Variants in COPA observed in about 807,000 individuals in gnomAD.
COPA encodes the protein coat protein complex I subunit alpha.
In COPA, 10 loss-of-function variants were observed where a neutral mutation model predicts 158.7. The ratio of observed to expected loss-of-function variants is 0.06; its 90% CI spans 0.04 to 0.11. The LOEUF is 0.11. COPA is among the 10% of genes least tolerant of loss of function. The pLI is 1.00. For synonymous variants in COPA, 462 were observed against 542.8 expected (o/e 0.85, Z 2.07); for missense variants, 1,065 against 1,536.7 (o/e 0.69, Z 5.13).
At chr1:160,314,534 G>A (rs957812543) in intron 8 of COPA, among the ~76,000 whole-genome samples, 3 of 152,184 alleles carry the variant, frequency 2.0e-5, no homozygotes, top group South Asian at 2.1e-4. Context: ...AGGAGGCTGA[G>A]GGGGAGGATC....
intron 23 of COPA, among the ~76,000 whole-genome samples, chr1:160,295,159 G>A (rs753363213): frequency 6.6e-6 from 1 of 152,110 alleles, no homozygotes; most frequent in Admixed American, 6.5e-5. Context: ...CTTCCTGAGC[G>A]CTTTGCTAAG....
At chr1:160,331,459 C>A (rs1214784669) in intron 6 of COPA, among the ~76,000 whole-genome samples, 1 of 151,838 alleles carries the variant, frequency 6.6e-6, no homozygotes, top group Non-Finnish European at 1.5e-5. Flanking sequence ...TCGAGACCAG[C>A]CTGGCTAACA....
At chr1:160,322,445 A>T (rs1200599903) in intron 8 of COPA, among the ~76,000 whole-genome samples, 1 of 152,252 alleles carries the variant, frequency 6.6e-6, no homozygotes, top group Non-Finnish European at 1.5e-5. Flanking sequence ...AAAGGATTAA[A>T]GACTTAAATC....
rs1659472805 is a variant in COPA, at chr1:160,325,781, A to G, written c.497-129T>C. 4.4e-6 allele frequency: 3 copies of G among 688,484 alleles called. No homozygotes were observed. The South Asian group carries it at 5.7e-5, about 13-fold the overall frequency. 42.6% of individuals were successfully genotyped at this position (688,484 alleles called of 1,614,324 possible). A position where few individuals can be genotyped will look rare whatever the true frequency, so the allele number is the denominator to read the frequency against. ...AAATGGAAAAGACTGAAGAAAGAAA[A>G]GAGACTCAAGAATTCCTATTTCTAA... On this transcript the variant is annotated intron_variant, in intron 6 of 32. Transcript: ENST00000241704.
chr1:160,301,324 C>T (rs972483596), intron 17 of COPA, among the ~76,000 whole-genome samples: 1 of 151,974 alleles, frequency 6.6e-6, no homozygotes, highest in African/African-American at 2.4e-5. Flanking sequence ...TTCATTGGAG[C>T]AGTATGGATT....
chr1:160,305,250 G>A, intron 17 of COPA, 183 bp downstream of exon 17: 1 of 551,266 alleles, frequency 1.8e-6, no homozygotes, highest in Non-Finnish European at 3.2e-6. Flanking sequence ...GTCTATATTT[G>A]TTTTAGATTT....
At chr1:160,313,968 A>G (rs760491183) in intron 9 of COPA, 22 bp downstream of exon 9, 1 of 1,571,668 alleles carries the variant, frequency 6.4e-7, no homozygotes, top group Non-Finnish European at 8.6e-7. Context: ...GAAAGTTCAC[A>G]CAACACTGAG....
rs12032411 is a variant in COPA, at chr1:160,333,756, A to G, written c.310-77T>C. ...CAGGTTCTTGTAATCATTTTTCTCTAAAGAACTGCATTGCTTAACGGCTCA... is the reference window on the plus strand; with the variant it reads ...CAGGTTCTTGTAATCATTTTTCTCTGAAGAACTGCATTGCTTAACGGCTCA... On this transcript the variant is annotated intron_variant, in intron 4 of 32. Transcript: ENST00000241704. 9,564 of 1,175,474 alleles carry G rather than the reference A, an allele frequency of 8.1e-3. 832 individuals carry two copies. In the Admixed American group the frequency reaches 0.15, roughly 18 times the overall value. The allele number at this position is 1,175,474 out of a possible 1,614,324, so 72.8% of individuals were successfully genotyped here. A position where few individuals can be genotyped will look rare whatever the true frequency, so the allele number is the denominator to read the frequency against.
At chr1:160,335,127 A>G in intron 4 of COPA, 115 bp downstream of exon 4, 1 of 842,122 alleles carries the variant, frequency 1.2e-6, no homozygotes, top group South Asian at 1.9e-5. Flanking sequence ...CAGATTGTAG[A>G]AGAGCCACTC....
At chr1:160,326,937 C>G (rs1571177256) in intron 6 of COPA, among the ~76,000 whole-genome samples, 1 of 152,170 alleles carries the variant, frequency 6.6e-6, no homozygotes, top group African/African-American at 2.4e-5. Flanking sequence ...GTAAATCTAT[C>G]TTTAAAAGCT....
At chr1:160,313,760 G>C (rs965185126) in intron 9 of COPA, among the ~76,000 whole-genome samples, 1 of 152,142 alleles carries the variant, frequency 6.6e-6, no homozygotes, top group Admixed American at 6.5e-5. Context: ...GGGAAAGGGG[G>C]AAGAAGAAAA....
intron 1 of COPA, among the ~76,000 whole-genome samples, chr1:160,342,802 C>CCAA (rs1648148471): frequency 6.6e-6 from 1 of 152,070 alleles, no homozygotes; most frequent in South Asian, 2.1e-4. Context: ...CATCAAAAAG[C>CCAA]CAACAGATCA....
At position 160,299,284 on chromosome 1, in the gene COPA, C is replaced by T. The variant is rs2101829613; in HGVS notation, c.1668-20G>A. On this transcript the variant is annotated intron_variant, in intron 17 of 32. Transcript: ENST00000241704. Reference sequence around the variant, plus strand: ...TGGTCCCTAAGAACAGAGGGCACAGCTTTCAGTAAGTGAGAGGGAAAATCC... The same window carrying T: ...TGGTCCCTAAGAACAGAGGGCACAGTTTTCAGTAAGTGAGAGGGAAAATCC... 5 of 1,591,760 alleles carry T rather than the reference C, an allele frequency of 3.1e-6. No homozygotes were observed. Among genetic ancestry groups the T allele is most frequent in the Non-Finnish European group, 4.3e-6 (5 of 1,163,856 alleles).
At chr1:160,321,521 C>T (rs1659329772) in intron 8 of COPA, among the ~76,000 whole-genome samples, 1 of 152,178 alleles carries the variant, frequency 6.6e-6, no homozygotes, top group African/African-American at 2.4e-5. Flanking sequence ...GGTGCAGTGG[C>T]TCATGCCTAT....
At chr1:160,340,661 T>C (rs1318328220) in intron 1 of COPA, among the ~76,000 whole-genome samples, 1 of 152,180 alleles carries the variant, frequency 6.6e-6, no homozygotes, top group East Asian at 1.9e-4. Flanking sequence ...AGCCCTGTAA[T>C]ATTAGGAAGT....
rs78140639 is a variant in COPA, at chr1:160,319,259, A to G, written c.706+4172T>C. Among the ~76,000 whole-genome samples the G allele has an allele frequency of 1.7e-3, 260 of 152,122 alleles. 3 individuals carry two copies. The East Asian group carries it at 0.024, about 14-fold the overall frequency. ...ATACTTACATGAGATAAAACAGACT[A>G]CCAAACCTAAGATTGTAAAAAGAGA... On this transcript the variant is annotated intron_variant, in intron 8 of 32. Transcript: ENST00000241704.
At position 160,325,665 on chromosome 1, in the gene COPA, A is replaced by G. The variant is rs1362219422; in HGVS notation, c.497-13T>C. The G allele has an allele frequency of 6.3e-7, 1 of 1,582,306 alleles. No homozygotes were observed. The highest frequency in any genetic ancestry group is 1.7e-5 in the Admixed American group (1 of 59,992). On this transcript the variant is annotated splice_polypyrimidine_tract_variant and intron_variant, in intron 6 of 32. Transcript: ENST00000241704. ...TTTTTCCTCAGACCTTTGAAGGGAT[A>G]AGGAGTGGGATGAAAGATGTAAACA...
intron 13 of COPA, 29 bp from the exon 14 acceptor site, chr1:160,307,274 G>A (rs368034005): frequency 6.2e-7 from 1 of 1,607,320 alleles, no homozygotes; most frequent in Non-Finnish European, 8.5e-7. Flanking sequence ...AAGGGTGGGA[G>A]CATGTGGTGA....
chr1:160,303,585 T>C (rs1264444016), intron 17 of COPA, among the ~76,000 whole-genome samples: 1 of 152,184 alleles, frequency 6.6e-6, no homozygotes, highest in Non-Finnish European at 1.5e-5. Context: ...ACAATGTTTT[T>C]ACAGAAGAAT....
Sources: allele counts gnomAD v4.1 joint callset (sites outside exome capture counted in the v4.1 genomes callset), GRCh38; gene constraint gnomAD v4.1.1; transcripts MANE v1.5; gene names NCBI Gene and HGNC (gene_info 2026-07-23, HGNC 2026-07-21).